DGKB: variants seen among roughly 807,000 people sequenced by gnomAD.
DGKB encodes 90 kDa diacylglycerol kinase.
DGKB carries 67 observed loss-of-function variants against 114.3 expected under a neutral mutation model. The ratio of observed to expected loss-of-function variants is 0.59; its 90% confidence interval spans 0.48 to 0.72. DGKB has a LOEUF of 0.72. DGKB is among the 30% of genes least tolerant of loss of function. The pLI is 0.00. For missense variants in DGKB, 907 were observed against 975.2 expected (o/e 0.93, Z 0.93); for synonymous variants, 398 against 323.1 (o/e 1.23, Z -2.49).
At chr7:14,363,768 A>G (rs1816166751) in intron 21 of DGKB, among the ~76,000 whole-genome samples, 1 of 152,148 alleles carries the variant, frequency 6.6e-6, no homozygotes, top group Non-Finnish European at 1.5e-5. Flanking sequence ...AGGAAATAGA[A>G]GCAAAACATG....
intron 5 of DGKB, among the ~76,000 whole-genome samples, chr7:14,722,403 A>G (rs1829323230): frequency 6.6e-6 from 1 of 152,172 alleles, no homozygotes; most frequent in Non-Finnish European, 1.5e-5. Context: ...CATTTCCTCC[A>G]TGTCTTCTTA....
At chr7:14,328,078 T>C (rs1809065679) in intron 23 of DGKB, among the ~76,000 whole-genome samples, 1 of 152,102 alleles carries the variant, frequency 6.6e-6, no homozygotes, top group South Asian at 2.1e-4. Context: ...AATCTAAAAA[T>C]GGAATGTTCT....
chr7:14,198,527 C>A (rs1025602141), intron 23 of DGKB, among the ~76,000 whole-genome samples: 2 of 151,960 alleles, frequency 1.3e-5, no homozygotes, highest in Non-Finnish European at 2.9e-5. Flanking sequence ...ACATAATGGG[C>A]TGCATTATAG....
At chr7:14,363,586 G>T (rs1037859396) in intron 21 of DGKB, among the ~76,000 whole-genome samples, 1 of 152,048 alleles carries the variant, frequency 6.6e-6, no homozygotes, top group Non-Finnish European at 1.5e-5. Flanking sequence ...CTTATGAAGA[G>T]ATAAGATTGT....
intron 1 of DGKB, among the ~76,000 whole-genome samples, chr7:14,894,407 G>A (rs1459392861): frequency 6.6e-6 from 1 of 151,344 alleles, no homozygotes; most frequent in African/African-American, 2.4e-5. Flanking sequence ...ATAAGACACA[G>A]GCGCTAATTT....
chr7:14,218,273 T>C (rs1789328068), intron 23 of DGKB, among the ~76,000 whole-genome samples: 1 of 152,108 alleles, frequency 6.6e-6, no homozygotes, highest in African/African-American at 2.4e-5. Context: ...GATCATACAC[T>C]TGACCTCTAG....
rs537768701 is a variant in DGKB, at chr7:14,886,994, G to A, written c.-188+15598C>T. The stretch of plus-strand genomic sequence containing the variant: ...ATTCTCTTTATTATCTCGTTAATAC[G>A]GACTCATCCTTCAAATCGCAATTTA... On this transcript the variant is annotated intron_variant, in intron 1 of 25. Transcript: ENST00000402815. Among the ~76,000 whole-genome samples, 153 of 151,682 alleles carry A rather than the reference G, an allele frequency of 1.0e-3. 1 individual carries two copies. The highest frequency in any genetic ancestry group is 3.6e-3 in the African/African-American group (147 of 41,364).
chr7:14,941,957 T>G (rs1488805297), intron 1 of DGKB, among the ~76,000 whole-genome samples: 1 of 151,982 alleles, frequency 6.6e-6, no homozygotes, highest in Non-Finnish European at 1.5e-5. Context: ...GGAGCCTCAT[T>G]CATTTTTGCT....
intron 23 of DGKB, among the ~76,000 whole-genome samples, chr7:14,276,613 C>A (rs1799038949): frequency 6.6e-6 from 1 of 151,890 alleles, no homozygotes; most frequent in Non-Finnish European, 1.5e-5. Context: ...ATTATTAGAG[C>A]AATCATGCCT....
At chr7:14,846,664 G>A (rs572683957) in intron 1 of DGKB, among the ~76,000 whole-genome samples, 1 of 152,272 alleles carries the variant, frequency 6.6e-6, no homozygotes, top group South Asian at 2.1e-4. Flanking sequence ...GTGTCAGGAG[G>A]GATCCACTTT....
intron 22 of DGKB, among the ~76,000 whole-genome samples, chr7:14,343,373 C>T (rs148387938): frequency 6.6e-6 from 1 of 151,912 alleles, no homozygotes; most frequent in South Asian, 2.1e-4. Flanking sequence ...GCCCAGATTT[C>T]TTGGAGAACA....
chr7:14,251,768 C>A (rs775583939), intron 23 of DGKB, among the ~76,000 whole-genome samples: 6 of 152,038 alleles, frequency 3.9e-5, no homozygotes, highest in Non-Finnish European at 8.8e-5. Flanking sequence ...AGGTATTATA[C>A]TTCTAGTTGG....
intron 23 of DGKB, among the ~76,000 whole-genome samples, chr7:14,265,089 C>G (rs1797294357): frequency 1.3e-5 from 2 of 151,646 alleles, no homozygotes; most frequent in Non-Finnish European, 2.9e-5. Context: ...CCCCGCCCCA[C>G]CCAAATTTAT....
intron 13 of DGKB, among the ~76,000 whole-genome samples, chr7:14,644,724 C>T (rs1302578451): frequency 6.6e-6 from 1 of 152,160 alleles, no homozygotes; most frequent in African/African-American, 2.4e-5. Flanking sequence ...TAAGCAAACA[C>T]ATTTTTAAAT....
chr7:14,427,942 T>C (rs1827823235), intron 21 of DGKB, among the ~76,000 whole-genome samples: 1 of 152,142 alleles, frequency 6.6e-6, no homozygotes, highest in Non-Finnish European at 1.5e-5. Flanking sequence ...TTTTCTTAAA[T>C]TATATCTTTC....
chr7:14,444,472 A>G (rs1345938194), intron 21 of DGKB, among the ~76,000 whole-genome samples: 2 of 151,842 alleles, frequency 1.3e-5, no homozygotes, highest in Non-Finnish European at 2.9e-5. Flanking sequence ...AGGTGGATGA[A>G]TAAGAATTCA....
chr7:14,613,325 A>C lies in DGKB; in HGVS notation c.1358+15T>G. ...TATACATGACATAGACACTAAAATC[A>C]ATCAAAAAACATACCGTTCTCCTTG... On this transcript the variant is annotated intron_variant, in intron 16 of 25. Transcript: ENST00000402815. 1 of 1,528,880 alleles carries C rather than the reference A, an allele frequency of 6.5e-7. No individual in the cohort carries two copies. The highest frequency in any genetic ancestry group is 8.9e-7 in the Non-Finnish European group (1 of 1,124,942). The allele number at this position is 1,528,880 out of a possible 1,614,324, so 94.7% of individuals were successfully genotyped here.
At chr7:14,729,706 C>T (rs1268475640) in intron 5 of DGKB, among the ~76,000 whole-genome samples, 1 of 152,126 alleles carries the variant, frequency 6.6e-6, no homozygotes, top group Non-Finnish European at 1.5e-5. Context: ...TATTTGGGCT[C>T]CTGTAGGCAC....
intron 1 of DGKB, among the ~76,000 whole-genome samples, chr7:14,928,473 CAAAT>C (rs1409842775): frequency 1.3e-5 from 2 of 151,852 alleles, no homozygotes; most frequent in South Asian, 2.1e-4. Context: ...TGTTCTTTCA[CAAAT>C]AAATACTTTT....
Sources: allele counts gnomAD v4.1 joint callset (sites outside exome capture counted in the v4.1 genomes callset), GRCh38; gene constraint gnomAD v4.1.1; transcripts MANE v1.5; gene names NCBI Gene and HGNC (gene_info 2026-07-23, HGNC 2026-07-21).